CCDC91: variants seen among roughly 807,000 people sequenced by gnomAD.
CCDC91 encodes coiled-coil domain containing 91.
CCDC91 carries 48 observed loss-of-function variants against 63.2 expected under a neutral mutation model. The observed-to-expected ratio is 0.76, with a 90% CI of 0.60 to 0.97. The LOEUF (loss-of-function observed/expected upper bound fraction) is 0.97. Ranked by LOEUF, CCDC91 falls within the 50% of genes least tolerant of loss-of-function variation. The probability of loss-of-function intolerance (pLI) is 0.00; values close to 1 mark genes in which losing one functional copy is unlikely to be tolerated. For missense variants in CCDC91, 500 were observed against 494.6 expected (o/e 1.01, Z -0.10); for synonymous variants, 167 against 165.8 (o/e 1.01, Z -0.06).
At chr12:28,209,716 T>C (rs1943099259) in intron 1 of CCDC91, among the ~76,000 whole-genome samples, 3 of 152,306 alleles carry the variant, frequency 2.0e-5, no homozygotes, top group Middle Eastern at 3.4e-3. Context: ...TAGATGTGAG[T>C]TGCTACACCC....
chr12:28,275,968 A>G (rs1223303109), intron 3 of CCDC91, among the ~76,000 whole-genome samples: 1 of 152,126 alleles, frequency 6.6e-6, no homozygotes, highest in Non-Finnish European at 1.5e-5. Context: ...GATGGGACGT[A>G]TCTCAAAATA....
intron 6 of CCDC91, among the ~76,000 whole-genome samples, chr12:28,341,919 T>C (rs1427994192): frequency 1.3e-5 from 2 of 151,634 alleles, no homozygotes; most frequent in South Asian, 2.1e-4. Context: ...AGGCAAAATA[T>C]TGCCCTCTTA....
intron 12 of CCDC91, among the ~76,000 whole-genome samples, chr12:28,507,468 A>G (rs760833169): frequency 8.5e-5 from 13 of 152,088 alleles, no homozygotes; most frequent in South Asian, 2.1e-4. Flanking sequence ...AGTTTTCTCA[A>G]TGACATTCTT....
chr12:28,369,281 T>C (rs908662329), intron 7 of CCDC91, among the ~76,000 whole-genome samples: 16 of 151,934 alleles, frequency 1.1e-4, no homozygotes, highest in Admixed American at 5.2e-4. Flanking sequence ...ATGGAAGAAA[T>C]TGGCCAAAAA....
chr12:28,497,253 A>G (rs894756579), intron 12 of CCDC91, among the ~76,000 whole-genome samples: 1 of 151,298 alleles, frequency 6.6e-6, no homozygotes, highest in African/African-American at 2.4e-5. Context: ...TTGCTATTGA[A>G]CCTGTTATCC....
At chr12:28,447,057 T>C (rs1949537268) in intron 8 of CCDC91, among the ~76,000 whole-genome samples, 1 of 152,182 alleles carries the variant, frequency 6.6e-6, no homozygotes, top group African/African-American at 2.4e-5. Flanking sequence ...AGAGTACAGT[T>C]TGAGAGTATG....
chr12:28,311,603 G>A (rs567542956), intron 6 of CCDC91, among the ~76,000 whole-genome samples: 45 of 152,044 alleles, frequency 3.0e-4, no homozygotes, highest in Admixed American at 3.9e-4. Flanking sequence ...TGTCCTATAG[G>A]GACATTGTTC....
intron 1 of CCDC91, among the ~76,000 whole-genome samples, chr12:28,246,000 TA>T (rs1945706215): frequency 6.6e-6 from 1 of 152,146 alleles, no homozygotes; most frequent in South Asian, 2.1e-4. Context: ...CAAAATCCTG[TA>T]AACTACCCAG....
Position 28,305,813 on chromosome 12 carries a change from A to T in CCDC91, c.267+7A>T. 6.2e-7 allele frequency: 1 copy of T among 1,602,070 alleles called. No individual in the cohort carries two copies. Among genetic ancestry groups the T allele is most frequent in the Admixed American group, 1.7e-5 (1 of 57,700 alleles). On this transcript the variant is annotated splice_region_variant and intron_variant, in intron 4 of 12. Transcript: ENST00000536442. ...AACTATTCCAAAAGCACAGGTAAAG[A>T]CAAACATATTTTTAAAGGAGGTTTG...
chr12:28,489,074 T>C (rs1413888190), intron 12 of CCDC91, among the ~76,000 whole-genome samples: 1 of 151,956 alleles, frequency 6.6e-6, no homozygotes, highest in East Asian at 1.9e-4. Flanking sequence ...CCCAAAATAT[T>C]TACTATCTGG....
At chr12:28,300,572 G>C (rs75787719) in intron 3 of CCDC91, among the ~76,000 whole-genome samples, 2 of 151,408 alleles carry the variant, frequency 1.3e-5, no homozygotes, top group African/African-American at 4.8e-5. Context: ...TCCTCATATA[G>C]CTTTTCTCTT....
chr12:28,199,352 C>T (rs1942031524), intron 1 of CCDC91, among the ~76,000 whole-genome samples: 1 of 151,972 alleles, frequency 6.6e-6, no homozygotes, highest in African/African-American at 2.4e-5. Flanking sequence ...TATATATTCC[C>T]TCCCCTTCCT....
intron 8 of CCDC91, among the ~76,000 whole-genome samples, chr12:28,445,328 AC>A (rs1949443084): frequency 6.6e-6 from 1 of 152,132 alleles, no homozygotes. Context: ...CCCACAAAAA[AC>A]CCCAGATCAG....
intron 6 of CCDC91, among the ~76,000 whole-genome samples, chr12:28,356,663 C>T (rs1397561686): frequency 2.0e-5 from 3 of 152,100 alleles, no homozygotes; most frequent in Non-Finnish European, 4.4e-5. Context: ...ATTGGAAAAC[C>T]TTTCTCAATC....
intron 7 of CCDC91, among the ~76,000 whole-genome samples, chr12:28,388,555 C>T (rs1030656364): frequency 2.6e-5 from 4 of 152,096 alleles, no homozygotes; most frequent in Non-Finnish European, 4.4e-5. Flanking sequence ...CTAACCAAAG[C>T]GTCAAAAGAC....
At chr12:28,536,533 T>A (rs546993523) in intron 12 of CCDC91, among the ~76,000 whole-genome samples, 5 of 152,226 alleles carry the variant, frequency 3.3e-5, no homozygotes, top group Non-Finnish European at 7.3e-5. Context: ...AAAACCAAGC[T>A]TTGTTTTTTA....
chr12:28,533,379 T>G (rs929297176), intron 12 of CCDC91, among the ~76,000 whole-genome samples: 1 of 152,104 alleles, frequency 6.6e-6, no homozygotes. Context: ...ATTTTTAAAT[T>G]AAATTTGTTC....
intron 7 of CCDC91, among the ~76,000 whole-genome samples, chr12:28,383,644 A>G (rs768218332): frequency 7.2e-5 from 11 of 152,122 alleles, no homozygotes; most frequent in Admixed American, 1.3e-4. Flanking sequence ...ATTTGGATCC[A>G]GATTTGAGTA....
chr12:28,268,681 A>G, intron 3 of CCDC91: 2 of 985,012 alleles, frequency 2.0e-6, no homozygotes, highest in Non-Finnish European at 2.4e-6. Flanking sequence ...CCGTGTCTGA[A>G]TCTTCAGAGG....
Sources: allele counts gnomAD v4.1 joint callset (sites outside exome capture counted in the v4.1 genomes callset), GRCh38; gene constraint gnomAD v4.1.1; transcripts MANE v1.5; gene names NCBI Gene and HGNC (gene_info 2026-07-23, HGNC 2026-07-21).